RGS3: variants seen among roughly 807,000 people sequenced by gnomAD.
RGS3 encodes the protein regulator of G-protein signalling 3.
RGS3 carries 80 observed loss-of-function variants against 132.6 expected under a neutral mutation model. The ratio of observed to expected loss-of-function variants is 0.60; its 90% CI spans 0.50 to 0.73. RGS3 has a LOEUF of 0.73. Among genes scored for constraint, RGS3 ranks in the 30% least tolerant of loss-of-function variants. The pLI is 0.00. For synonymous variants in RGS3, 598 were observed against 620.6 expected (o/e 0.96, Z 0.54); for missense variants, 1,382 against 1,530.8 (o/e 0.90, Z 1.62).
intron 19 of RGS3, chr9:113,542,220 G>GCC (rs1187691661): frequency 6.6e-6 from 1 of 152,174 alleles, no homozygotes; most frequent in African/African-American, 2.4e-5. Context: ...GGATGGAATA[G>GCC]CACGTGGAGA....
intron 7 of RGS3, among the ~76,000 whole-genome samples, chr9:113,494,561 A>C (rs1186960574): frequency 2.0e-5 from 3 of 152,252 alleles, no homozygotes; most frequent in Admixed American, 2.0e-4. Context: ...ATCACAGTTC[A>C]CTGCAGCTTT....
chr9:113,587,094 G>C (rs1835156058), intron 20 of RGS3, among the ~76,000 whole-genome samples: 1 of 152,218 alleles, frequency 6.6e-6, no homozygotes, highest in Non-Finnish European at 1.5e-5. Context: ...ACAGTGGGAG[G>C]CTGAGGCTAG....
At chr9:113,583,852 T>C (rs777075221) in exon 20 of RGS3, 12 of 1,613,782 alleles carry the variant, frequency 7.4e-6, no homozygotes, top group Non-Finnish European at 9.3e-6. Context: ...CCTTCCACCC[T>C]GTCAAGATCT....
At chr9:113,594,284 G>A (rs141298845) in intron 21 of RGS3, 146 bp from the exon 20 acceptor site, 83 of 1,603,646 alleles carry the variant, frequency 5.2e-5, no homozygotes, top group African/African-American at 3.4e-4. Flanking sequence ...GAGATGCTCC[G>A]AGGCATGTAC....
chr9:113,473,228 G>T (rs1471974860), intron 3 of RGS3, among the ~76,000 whole-genome samples: 1 of 152,174 alleles, frequency 6.6e-6, no homozygotes, highest in Admixed American at 6.5e-5. Flanking sequence ...GAGGAACTAG[G>T]CTTCACCTCT....
intron 14 of RGS3, among the ~76,000 whole-genome samples, chr9:113,512,731 G>T (rs1831462383): frequency 6.6e-6 from 1 of 152,202 alleles, no homozygotes; most frequent in African/African-American, 2.4e-5. Context: ...ACCCAGGTCA[G>T]TGAGGACCTG....
At chr9:113,529,910 G>T (rs1362832847) in intron 18 of RGS3, among the ~76,000 whole-genome samples, 13 of 152,190 alleles carry the variant, frequency 8.5e-5, no homozygotes, top group Non-Finnish European at 1.9e-4. Context: ...GATTTGGTTT[G>T]GTAGATAAAA....
chr9:113,457,884 A>G (rs1829397214), upstream of RGS3, among the ~76,000 whole-genome samples: 3 of 152,182 alleles, frequency 2.0e-5, no homozygotes, highest in South Asian at 4.1e-4. Context: ...AATTTTGGCT[A>G]TTTCAGAACC....
chr9:113,495,930 C>A, intron 8 of RGS3, 84 bp downstream of exon 6: 1 of 1,215,344 alleles, frequency 8.2e-7, no homozygotes, highest in Non-Finnish European at 1.2e-6. Context: ...AGCTCTTGGG[C>A]AGGGCTTCTC....
At chr9:113,520,773 C>T (rs1831913869) in intron 16 of RGS3, among the ~76,000 whole-genome samples, 1 of 151,996 alleles carries the variant, frequency 6.6e-6, no homozygotes, top group African/African-American at 2.4e-5. Flanking sequence ...TCCTTGACTC[C>T]TTCTGAGCTC....
At chr9:113,505,340 G>A in intron 10 of RGS3, 102 bp from the exon 9 acceptor site, 1 of 947,716 alleles carries the variant, frequency 1.1e-6, no homozygotes, top group African/African-American at 1.6e-5. Context: ...CCCTTGGAGA[G>A]GAGGGTGGCT....
chr9:113,496,237 A>C (rs1232831963), intron 8 of RGS3, among the ~76,000 whole-genome samples: 1 of 151,938 alleles, frequency 6.6e-6, no homozygotes. Context: ...ACCAGGCCTG[A>C]TATTTCTGGG....
In RGS3 at chr9:113,513,354, G is replaced by GTT. The variant is rs1353043230; in HGVS notation, c.1478-1102_1478-1101dup. On this transcript the variant is annotated intron_variant, in intron 14 of 24. Coordinates refer to ENST00000350696, the Ensembl canonical transcript of RGS3. ...TTCCTGGGGGTGGTCTTGTTTCTCT[G>GTT]TTTCTCTCTCTCTCTCCTTATGATT... Among the ~76,000 whole-genome samples, 3 of 152,178 alleles carry GTT rather than the reference G, an allele frequency of 2.0e-5. No homozygotes were observed. The East Asian group carries it at 5.8e-4, about 29-fold the overall frequency.
chr9:113,444,904 A>G (rs957763018), exon 1 of RGS3: 7 of 152,184 alleles, frequency 4.6e-5, no homozygotes, highest in South Asian at 2.1e-4. Context: ...CAGCCTCCCA[A>G]TGTTCTGAGA....
chr9:113,576,256 G>A (rs1834517716), intron 19 of RGS3, among the ~76,000 whole-genome samples: 1 of 151,870 alleles, frequency 6.6e-6, no homozygotes, highest in Admixed American at 6.6e-5. Flanking sequence ...AAGCTCCTGG[G>A]TGATGCTGCT....
intron 10 of RGS3, among the ~76,000 whole-genome samples, chr9:113,500,690 T>G (rs1294645665): frequency 6.7e-6 from 1 of 149,540 alleles, no homozygotes; most frequent in Non-Finnish European, 1.5e-5. Flanking sequence ...AAATTGACTT[T>G]TTTTTTTTTT....
In RGS3 at chr9:113,483,181, C is replaced by T. The variant is rs376486545; in HGVS notation, c.525+64C>T. 6 of 1,186,598 alleles carry T rather than the reference C, an allele frequency of 5.1e-6. No homozygotes were observed. In the African/African-American group the frequency reaches 9.0e-5, roughly 18 times the overall value. The allele number at this position is 1,186,598 out of a possible 1,614,324, so 73.5% of individuals were successfully genotyped here. On this transcript the variant is annotated intron_variant, in intron 5 of 24. Coordinates refer to ENST00000350696, the Ensembl canonical transcript of RGS3. ...GGGGCCATGTTACTGGGCTCAGTCC[C>T]AAGGTCCCAGCACACCTGTGGGGCT...
Position 113,594,001 on chromosome 9 carries a change from A to G in RGS3, c.3081-429A>G, listed in dbSNP as rs767676180. The stretch of plus-strand genomic sequence containing the variant: ...CCCAGAGGCTGTCCCTTGCAGACAC[A>G]TGCCCCTTTCACGGCTCCCTCTCAG... On this transcript the variant is annotated intron_variant, in intron 21 of 24. Transcript: ENST00000350696. 2.5e-6 allele frequency: 4 copies of G among 1,612,882 alleles called. No individual in the cohort carries two copies. In the South Asian group the frequency reaches 4.4e-5, roughly 18 times the overall value.
intron 6 of RGS3, 91 bp downstream of exon 4, chr9:113,484,323 TA>T (rs1351747205): frequency 5.6e-6 from 1 of 178,364 alleles, no homozygotes; most frequent in African/African-American, 4.0e-5. Context: ...GAACTAGATC[TA>T]TGCAAAAAAA....
Sources: gnomAD v4.1 joint callset for allele counts (sites outside exome capture counted in the v4.1 genomes callset) on GRCh38, gnomAD v4.1.1 for gene constraint, MANE v1.5 for transcripts, NCBI Gene and HGNC (gene_info 2026-07-23, HGNC 2026-07-21) for gene names.